The following ATP2B4 variants were observed in gnomAD, a reference collection of about 807,000 sequenced individuals.
The protein encoded by ATP2B4 is plasma membrane calcium-transporting ATPase 4.
In ATP2B4, 39 loss-of-function variants were observed where a neutral mutation model predicts 110.3. The ratio of observed to expected loss-of-function variants is 0.35; its 90% CI spans 0.27 to 0.46. ATP2B4 has a LOEUF of 0.46. ATP2B4 is among the 20% of genes least tolerant of loss of function. ATP2B4 has a pLI of 1.00. For missense variants in ATP2B4, 1,135 were observed against 1,530.9 expected (o/e 0.74, Z 4.32); for synonymous variants, 538 against 571.7 (o/e 0.94, Z 0.84).
At chr1:203,693,916 T>G (rs1249178464) in intron 2 of ATP2B4, among the ~76,000 whole-genome samples, 1 of 152,216 alleles carries the variant, frequency 6.6e-6, no homozygotes, top group Non-Finnish European at 1.5e-5. Flanking sequence ...GATTGAAGCC[T>G]CAGCTGAGTG....
chr1:203,698,050 A>G, intron 2 of ATP2B4, 107 bp from the exon 3 acceptor site: 2 of 913,460 alleles, frequency 2.2e-6, no homozygotes, highest in Non-Finnish European at 3.4e-6. Context: ...TCTGTTGCCC[A>G]GGCTAGAGTG....
chr1:203,703,710 C>G lies in ATP2B4; in HGVS notation c.996C>G (p.Ile332Met). 6.2e-7 allele frequency: 1 copy of G among 1,614,024 alleles called. No homozygotes were observed. Among genetic ancestry groups the G allele is most frequent in the East Asian group, 2.2e-5 (1 of 44,874 alleles). ...EIQPLNSQEG[I>M]DNEEKDKKAV... ...AGCCACTCAACAGCCAGGAGGGAATCGACAATGAGGAAAAGGACAAGAAGG... is the reference window on the plus strand; with the variant it reads ...AGCCACTCAACAGCCAGGAGGGAATGGACAATGAGGAAAAGGACAAGAAGG... The change falls in exon 8 of 21, where the codon ATC becomes ATG. Residue 332 changes from isoleucine (I) to methionine (M), a missense_variant. Transcript: ENST00000357681.
chr1:203,711,982 G>A lies in ATP2B4; in HGVS notation c.2054G>A (p.Cys685Tyr). The A allele has an allele frequency of 1.9e-6, 3 of 1,614,076 alleles. No individual in the cohort carries two copies. Among genetic ancestry groups the A allele is most frequent in the Non-Finnish European group, 2.5e-6 (3 of 1,179,974 alleles). The change falls in exon 13 of 21, where the codon TGC becomes TAC. Residue 685 changes from cysteine (C) to tyrosine (Y), a missense_variant. By Grantham distance (194) the Cys-to-Tyr change is radical. Transcript: ENST00000357681. ...TAGGTGCCAGATGCTATTGCCAAAT[G>A]CAAACAAGCTGGCATTACTGTCAGA... is the stretch of plus-strand genomic sequence containing the variant. Reference protein sequence around the residue: ...RPEVPDAIAKCKQAGITVRMV... With the variant: ...RPEVPDAIAKYKQAGITVRMV...
intron 20 of ATP2B4, among the ~76,000 whole-genome samples, chr1:203,738,953 G>T (rs1666939174): frequency 6.6e-6 from 1 of 152,200 alleles, no homozygotes; most frequent in South Asian, 2.1e-4. Flanking sequence ...GCATGCTGCT[G>T]ACACAAATGA....
chr1:203,640,577 G>A (rs138821035), intron 1 of ATP2B4, among the ~76,000 whole-genome samples: 1 of 152,120 alleles, frequency 6.6e-6, no homozygotes, highest in Non-Finnish European at 1.5e-5. Context: ...TGCCCACCTT[G>A]GCCCCCCAGA....
intron 1 of ATP2B4, among the ~76,000 whole-genome samples, chr1:203,650,728 GC>G (rs1663962638): frequency 1.3e-5 from 2 of 152,328 alleles, no homozygotes; most frequent in South Asian, 4.1e-4. Context: ...GGCTCAGCAT[GC>G]CGGCTGCGGA....
rs1171232510 is a variant in ATP2B4 at position 203,699,530 on chromosome 1, C to G, written c.462C>G (p.Ala154=). 11 of 1,614,056 alleles carry G rather than the reference C, an allele frequency of 6.8e-6. No individual in the cohort carries two copies. The highest frequency in any genetic ancestry group is 9.3e-6 in the Non-Finnish European group (11 of 1,180,034). ...AAGCTGGCTGGATTGAGGGGGCAGC[C>G]ATCCTTTTCTCAGTGATCATCGTGG... ...EAQAGWIEGA[A]ILFSVIIVVL... The change falls in exon 4 of 21, where the codon GCC becomes GCG. Residue 154 remains alanine, a synonymous_variant. Transcript: ENST00000357681.
intron 1 of ATP2B4, among the ~76,000 whole-genome samples, chr1:203,672,769 T>C (rs1402664616): frequency 6.6e-6 from 1 of 152,152 alleles, no homozygotes; most frequent in African/African-American, 2.4e-5. Context: ...GCTCATCTCC[T>C]GTGGAGATAG....
intron 1 of ATP2B4, among the ~76,000 whole-genome samples, chr1:203,664,658 G>C (rs1664447548): frequency 6.6e-6 from 1 of 152,110 alleles, no homozygotes; most frequent in Non-Finnish European, 1.5e-5. Flanking sequence ...CCGGGTGCAG[G>C]GGCCCCACGG....
chr1:203,728,354 G>C (rs1293272873), intron 20 of ATP2B4: 5 of 334,374 alleles, frequency 1.5e-5, no homozygotes, highest in Admixed American at 8.9e-5. Flanking sequence ...TGAATGCGCT[G>C]ATCTAAGCAT....
At chr1:203,663,519 C>T (rs1664411974) in intron 1 of ATP2B4, among the ~76,000 whole-genome samples, 1 of 152,138 alleles carries the variant, frequency 6.6e-6, no homozygotes, top group African/African-American at 2.4e-5. Context: ...TATTAATCCT[C>T]TGAGCTCATC....
chr1:203,724,021 C>T lies in ATP2B4; in HGVS notation c.3132+33C>T, dbSNP rs74137883. 1.8e-3 allele frequency: 2,826 copies of T among 1,561,642 alleles called. 32 individuals carry two copies. In the African/African-American group the frequency reaches 0.022, roughly 12 times the overall value. On this transcript the variant is annotated intron_variant, in intron 19 of 20. Transcript: ENST00000357681. ...CCGGCACACCCTCCTGGTGCATTCT[C>T]ACAGCCTGCAGAACTCCCCTCCTCT...
At chr1:203,731,247 TGGATCCA>T (rs1200668137) in intron 20 of ATP2B4, among the ~76,000 whole-genome samples, 1 of 152,202 alleles carries the variant, frequency 6.6e-6, no homozygotes, top group Admixed American at 6.5e-5. Flanking sequence ...AACTGTGATC[TGGATCCA>T]GAAACTAGCC....
chr1:203,632,953 G>A (rs1663319014), intron 1 of ATP2B4, among the ~76,000 whole-genome samples: 1 of 152,226 alleles, frequency 6.6e-6, no homozygotes, highest in Non-Finnish European at 1.5e-5. Context: ...CCACTGAAAG[G>A]ACTGTGGAAA....
chr1:203,683,529 T>C (rs545590016), intron 2 of ATP2B4, 131 bp downstream of exon 2: 6 of 901,342 alleles, frequency 6.7e-6, no homozygotes, highest in Non-Finnish European at 9.5e-6. Context: ...GGGAAAGGTA[T>C]GGCATCTGAA....
At chr1:203,689,166 T>TC (rs1447206224) in intron 2 of ATP2B4, among the ~76,000 whole-genome samples, 1 of 152,248 alleles carries the variant, frequency 6.6e-6, no homozygotes, top group African/African-American at 2.4e-5. Context: ...TCTCATGGCC[T>TC]CGTGAGTGGA....
intron 1 of ATP2B4, among the ~76,000 whole-genome samples, chr1:203,670,945 A>G (rs1038605952): frequency 6.6e-6 from 1 of 152,182 alleles, no homozygotes; most frequent in Non-Finnish European, 1.5e-5. Context: ...CAGTTATCAT[A>G]TGAGATGGGA....
chr1:203,680,071 A>G (rs1041516180), intron 1 of ATP2B4, among the ~76,000 whole-genome samples: 10 of 151,594 alleles, frequency 6.6e-5, no homozygotes, highest in African/African-American at 2.4e-4. Context: ...AAAAAAAAAA[A>G]AAAAAAAAAG....
intron 8 of ATP2B4, 148 bp downstream of exon 8, chr1:203,703,961 T>C: frequency 1.0e-6 from 1 of 983,490 alleles, no homozygotes; most frequent in Non-Finnish European, 1.5e-6. Context: ...TGTTTCCCTA[T>C]CTCCGCCACT....
Sources: gnomAD v4.1 joint callset for allele counts (sites outside exome capture counted in the v4.1 genomes callset) on GRCh38, gnomAD v4.1.1 for gene constraint, MANE v1.5 for transcripts, NCBI Gene and HGNC (gene_info 2026-07-23, HGNC 2026-07-21) for gene names.